The following RBM10 variants were observed in gnomAD, a reference collection of about 807,000 sequenced individuals.
RBM10 encodes the protein RNA binding motif protein 10, also known as RNA-binding protein 10.
Under a neutral mutation model 84.9 loss-of-function variants are expected in RBM10, and 1 was observed. That is an observed-to-expected ratio of 0.01 (90% confidence interval 0.00 to 0.06). The LOEUF (loss-of-function observed/expected upper bound fraction) is 0.06. RBM10 is among the 10% of genes least tolerant of loss of function. RBM10 has a pLI of 1.00. For synonymous variants in RBM10, 326 were observed against 344.5 expected (o/e 0.95, Z 0.60); for missense variants, 438 against 839.0 (o/e 0.52, Z 5.90).
rs1412245412 is a variant in RBM10 at position 47,185,814 on chromosome X, C to A, written c.2430+24C>A. On this transcript the variant is annotated intron_variant, in intron 21 of 23. Transcript: ENST00000377604. ...AGGTGAGGTGTGACCTGACCCTGGG[C>A]TCCCTCCCCTGTGTCCCTTCCAAGT... The A allele has an allele frequency of 4.1e-6, 5 of 1,204,956 alleles. No individual in the cohort carries two copies. The African/African-American group carries it at 8.7e-5, about 21-fold the overall frequency.
At position 47,149,262 on chromosome X, in the gene RBM10, A is replaced by G. The variant is rs782243539; in HGVS notation, c.17+1764A>G. On this transcript the variant is annotated intron_variant, in intron 2 of 23. Transcript: ENST00000377604. ...GGTCTCAAACTCCTGGGCTCAGGCAATTCTCCTCCCTTGGCCTCCCAAAGT... is the reference window on the plus strand; with the variant it reads ...GGTCTCAAACTCCTGGGCTCAGGCAGTTCTCCTCCCTTGGCCTCCCAAAGT... Among the ~76,000 whole-genome samples, 212 of 110,821 alleles carry G rather than the reference A, an allele frequency of 1.9e-3. 2 individuals are homozygous for G. Among genetic ancestry groups the G allele is most frequent in the African/African-American group, 6.5e-3 (199 of 30,533 alleles).
chrX:47,182,966 AG>A (rs1392205426), intron 17 of RBM10, among the ~76,000 whole-genome samples: 1 of 112,658 alleles, frequency 8.9e-6, no homozygotes, highest in Non-Finnish European at 1.9e-5. Context: ...GGTGTATGTC[AG>A]GGGAAGAGGA....
Position 47,171,211 on chromosome X carries a change from A to C in RBM10, c.385A>C (p.Asn129His). ...TGAGGAGGAGGAGGAGAAGGCCAGTAACATCGTCATGCTGAGGATGCTGCC... is the reference window on the plus strand; with the variant it reads ...TGAGGAGGAGGAGGAGAAGGCCAGTCACATCGTCATGCTGAGGATGCTGCC... The part of the protein sequence containing the change: ...EDEEEEEKAS[N>H]IVMLRMLPQA... Residue 129 changes from asparagine to histidine, a missense_variant, in exon 4 of 24, where the codon AAC becomes CAC. Around this residue, in one of 8 missense-constraint regions of RBM10, gnomAD observed 92 missense variants for 134.3 expected, o/e 0.69. Transcript: ENST00000377604. The C allele has an allele frequency of 8.3e-7, 1 of 1,209,704 alleles. No individual in the cohort carries two copies. The highest frequency in any genetic ancestry group is 1.1e-6 in the Non-Finnish European group (1 of 894,900).
At chrX:47,174,844 C>T in intron 5 of RBM10, among the ~76,000 whole-genome samples, 175 bp from the exon 6 acceptor site, 1 of 109,916 alleles carries the variant, frequency 9.1e-6, no homozygotes, top group Non-Finnish European at 1.9e-5. Flanking sequence ...CTACCTTGCC[C>T]CCCACGCCCG....
intron 2 of RBM10, among the ~76,000 whole-genome samples, chrX:47,155,744 A>AG (rs1435287328): frequency 9.3e-6 from 1 of 107,633 alleles, no homozygotes; most frequent in Non-Finnish European, 1.9e-5. Flanking sequence ...AAAAAAAAAA[A>AG]AAAAAGAATT....
intron 5 of RBM10, among the ~76,000 whole-genome samples, chrX:47,174,450 G>A (rs1934962086): frequency 9.0e-6 from 1 of 111,338 alleles, no homozygotes; most frequent in Non-Finnish European, 1.9e-5. Flanking sequence ...GTCTTTAACC[G>A]CCCCTGGTTT....
rs1934654107 is a variant in RBM10, at chrX:47,171,338, C to G, written c.432+80C>G. 2.9e-5 allele frequency: 34 copies of G among 1,159,133 alleles called. No individual in the cohort carries two copies. The South Asian group carries it at 6.8e-4, about 23-fold the overall frequency. ...CCTCAACTTCTCCCCACCCCTCCCT[C>G]ACCTGCAACCTCAGCGCCTTTCATC... On this transcript the variant is annotated intron_variant, in intron 4 of 23. Coordinates refer to ENST00000377604, the MANE Select transcript of RBM10 (RefSeq NM_005676.5).
intron 9 of RBM10, 63 bp from the exon 10 acceptor site, chrX:47,179,817 A>G: frequency 8.8e-7 from 1 of 1,137,350 alleles, no homozygotes; most frequent in Non-Finnish European, 1.2e-6. Context: ...CAGTGGGGGC[A>G]TTGAAGGGCA....
rs1556779288 is a variant in RBM10 at position 47,181,414 on chromosome X, ATC to A, written c.1435+21_1435+22del. The A allele has an allele frequency of 1.7e-6, 2 of 1,207,484 alleles. No individual in the cohort carries two copies. The highest frequency in any genetic ancestry group is 2.2e-6 in the Non-Finnish European group (2 of 892,959). On this transcript the variant is annotated intron_variant, in intron 13 of 23. Coordinates refer to ENST00000377604, the MANE Select transcript of RBM10 (RefSeq NM_005676.5). Reference sequence around the variant, plus strand: ...CCCACTGGAGCAGGTGAGCCCCAGCATCTCTCTCTGCAGCTGTGGTGGGGGCC... The same window carrying A: ...CCCACTGGAGCAGGTGAGCCCCAGCATCTCTCTGCAGCTGTGGTGGGGGCC...
chrX:47,157,045 T>A, intron 2 of RBM10: 2 of 294,912 alleles, frequency 6.8e-6, no homozygotes, highest in Non-Finnish European at 1.3e-5. Context: ...ATGATGTCGG[T>A]GCCGAACAGC....
At chrX:47,184,007 A>C (rs2147205475) in intron 17 of RBM10, among the ~76,000 whole-genome samples, 1 of 111,338 alleles carries the variant, frequency 9.0e-6, no homozygotes, top group East Asian at 2.9e-4. Flanking sequence ...CTACAAAAGC[A>C]CTTGTTACCC....
intron 2 of RBM10, among the ~76,000 whole-genome samples, chrX:47,163,686 C>T (rs782269196): frequency 1.6e-4 from 17 of 109,026 alleles, no homozygotes. Flanking sequence ...GTAACAACAA[C>T]AAAAGATTAG....
intron 4 of RBM10, among the ~76,000 whole-genome samples, chrX:47,171,870 C>T (rs999456654): frequency 1.8e-5 from 2 of 111,756 alleles, no homozygotes; most frequent in South Asian, 3.7e-4. Context: ...GATCTTGGTC[C>T]TTCTTAGTCT....
rs376646619 is a variant in RBM10, at chrX:47,181,582, C to T, written c.1511C>T (p.Ala504Val). The T allele has an allele frequency of 3.3e-6, 4 of 1,207,878 alleles. No individual in the cohort carries two copies. In the African/African-American group the frequency reaches 7.0e-5, roughly 21 times the overall value. ...TTCTCTCGCGCCCAGCCTGGTGCTG[C>T]TCCTGGCATCTACCAACAATCAGCC... Reference protein sequence around the residue: ...QAFSRAQPGAAPGIYQQSAEA... With the variant: ...QAFSRAQPGAVPGIYQQSAEA... Residue 504 changes from alanine (A) to valine (V), a missense_variant, in exon 14 of 24, where the codon GCT becomes GTT. Coordinates refer to ENST00000377604, the MANE Select transcript of RBM10 (RefSeq NM_005676.5).
intron 1 of RBM10, among the ~76,000 whole-genome samples, chrX:47,146,830 A>C (rs1200212359): frequency 1.9e-5 from 2 of 107,804 alleles, no homozygotes; most frequent in Non-Finnish European, 3.9e-5. Context: ...CCCTTCACAC[A>C]CCCCCCCAAG....
chrX:47,179,721 C>T (rs782144104), intron 9 of RBM10, 159 bp from the exon 10 acceptor site: 21 of 838,094 alleles, frequency 2.5e-5, no homozygotes, highest in East Asian at 3.4e-5. Flanking sequence ...GCACCTGGAC[C>T]GCCAAGCAGA....
chrX:47,156,599 GT>G (rs1556765264), intron 2 of RBM10: 1 of 129,294 alleles, frequency 7.7e-6, no homozygotes, highest in African/African-American at 3.2e-5. Flanking sequence ...AGCCCAGCGG[GT>G]ATTCCCCATG....
chrX:47,176,331 C>T (rs905480302), intron 6 of RBM10, among the ~76,000 whole-genome samples, 169 bp from the exon 7 acceptor site: 1 of 112,084 alleles, frequency 8.9e-6, no homozygotes, highest in Admixed American at 9.4e-5. Context: ...AGAGCTGTGG[C>T]GCTTTCCCTC....
At chrX:47,153,608 C>G (rs981288164) in intron 2 of RBM10, among the ~76,000 whole-genome samples, 1 of 111,609 alleles carries the variant, frequency 9.0e-6, no homozygotes, top group Non-Finnish European at 1.9e-5. Context: ...ATTGTATCAT[C>G]TAGGATATCT....
Sources: gnomAD v4.1 joint callset for allele counts (sites outside exome capture counted in the v4.1 genomes callset) on GRCh38, gnomAD v4.1.1 for gene constraint, gnomAD v4.1.1 regional missense constraint, MANE v1.5 for transcripts, NCBI Gene and HGNC (gene_info 2026-07-23, HGNC 2026-07-21) for gene names.